The following RAPGEF6 variants were observed in gnomAD, a reference collection of about 807,000 sequenced individuals.
RAPGEF6 encodes Rap guanine nucleotide exchange factor 6.
A neutral mutation model predicts 171.4 loss-of-function variants in RAPGEF6; 56 were observed. The observed-to-expected ratio is 0.33, with a 90% confidence interval of 0.26 to 0.41. RAPGEF6 has a LOEUF of 0.41. Among genes scored for constraint, RAPGEF6 ranks in the 10% least tolerant of loss-of-function variants. The pLI, the probability that RAPGEF6 is intolerant of heterozygous loss-of-function variation, is 1.00. For synonymous variants in RAPGEF6, 692 were observed against 650.1 expected, an observed-to-expected ratio of 1.06 and a Z score of -0.98; for missense variants, 1,674 against 1,921.4, an observed-to-expected ratio of 0.87 and a Z score of 2.41.
At chr5:131,495,212 T>C (rs1756556025) in intron 13 of RAPGEF6, among the ~76,000 whole-genome samples, 1 of 151,876 alleles carries the variant, frequency 6.6e-6, no homozygotes, top group South Asian at 2.1e-4. Flanking sequence ...AGAGAATTGC[T>C]TGAACCTGGA....
intron 6 of RAPGEF6, among the ~76,000 whole-genome samples, chr5:131,534,171 G>C (rs1013957079): frequency 1.3e-5 from 2 of 152,090 alleles, no homozygotes; most frequent in African/African-American, 4.8e-5. Context: ...AATGGGGTGT[G>C]CAACATAAGA....
rs1007604511 is a variant in RAPGEF6 at position 131,425,300 on chromosome 5, T to C, written c.*1966A>G. ...GCACATTTTTCTGGGGAAATGAATA[T>C]AAAATGGTGAGAGTAGACATCTGAA... On this transcript the variant is annotated 3_prime_UTR_variant, in exon 28 of 28. Coordinates refer to ENST00000509018, the MANE Select transcript of RAPGEF6 (RefSeq NM_016340.6). 3 of 152,310 alleles carry C rather than the reference T, an allele frequency of 2.0e-5. No individual in the cohort carries two copies. The highest frequency in any genetic ancestry group is 7.2e-5 in the African/African-American group (3 of 41,438). The allele number at this position is 152,310 out of a possible 1,614,324, so 9.4% of individuals were successfully genotyped here.
At chr5:131,455,372 C>A (rs767201186) in intron 20 of RAPGEF6, among the ~76,000 whole-genome samples, 40 of 152,304 alleles carry the variant, frequency 2.6e-4, no homozygotes, top group Admixed American at 1.5e-3. Flanking sequence ...CATTCTCCTG[C>A]CTCAGCCTCC....
In RAPGEF6 at chr5:131,436,256, T is replaced by A. The variant is rs949324037; in HGVS notation, c.3746-2598A>T. 48 of 1,537,450 alleles carry A rather than the reference T, an allele frequency of 3.1e-5. No homozygotes were observed. In the Admixed American group the frequency reaches 8.8e-4, roughly 28 times the overall value. On this transcript the variant is annotated intron_variant, in intron 24 of 27. Transcript: ENST00000509018. ...CTATTCTCCTCAGTGGCCTTCTCAG[T>A]ACTGTCTGTTCTTTTGGCTGTGCTC...
At chr5:131,529,882 A>G (rs1005047600) in intron 6 of RAPGEF6, among the ~76,000 whole-genome samples, 1 of 145,818 alleles carries the variant, frequency 6.9e-6, no homozygotes, top group African/African-American at 2.5e-5. Context: ...TGGGCAACAG[A>G]GCAGGGCCTT....
chr5:131,618,346 T>C lies in RAPGEF6; in HGVS notation c.70-13653A>G, dbSNP rs116300305. ...TAAAAGAAATATAGAATCAGAAAATTATGGCCAGGCATGGTGGTCCACAAC... is the reference window on the plus strand; with the variant it reads ...TAAAAGAAATATAGAATCAGAAAATCATGGCCAGGCATGGTGGTCCACAAC... On this transcript the variant is annotated intron_variant, in intron 1 of 27. Coordinates refer to ENST00000509018, the MANE Select transcript of RAPGEF6 (RefSeq NM_016340.6). 4.0e-3 allele frequency among the ~76,000 whole-genome samples: 616 copies of C among 152,116 alleles called. 8 individuals are homozygous for C. Among genetic ancestry groups the C allele is most frequent in the African/African-American group, 0.014 (584 of 41,506 alleles).
chr5:131,594,416 T>A (rs1348239521), intron 3 of RAPGEF6, among the ~76,000 whole-genome samples: 1 of 152,326 alleles, frequency 6.6e-6, no homozygotes, highest in East Asian at 1.9e-4. Context: ...TGTATGGAAA[T>A]GCCTGGATGT....
At chr5:131,470,705 C>G (rs1754680715) in intron 17 of RAPGEF6, among the ~76,000 whole-genome samples, 1 of 152,110 alleles carries the variant, frequency 6.6e-6, no homozygotes, top group African/African-American at 2.4e-5. Flanking sequence ...AAATTCCCAT[C>G]CTGCCACATA....
chr5:131,600,169 C>T (rs938632298), intron 3 of RAPGEF6, among the ~76,000 whole-genome samples: 105 of 152,274 alleles, frequency 6.9e-4, no homozygotes, highest in African/African-American at 2.4e-3. Context: ...ATTAGATTTG[C>T]TAAACTATAA....
intron 7 of RAPGEF6, among the ~76,000 whole-genome samples, chr5:131,518,718 T>C (rs918343615): frequency 6.6e-6 from 1 of 152,128 alleles, no homozygotes; most frequent in Non-Finnish European, 1.5e-5. Context: ...AATTTTTATC[T>C]TCTTTGACTA....
intron 25 of RAPGEF6, among the ~76,000 whole-genome samples, chr5:131,432,484 G>C (rs1333388911): frequency 2.0e-5 from 3 of 152,116 alleles, no homozygotes; most frequent in African/African-American, 7.2e-5. Flanking sequence ...CGGGCGTGGT[G>C]GTGGGCGCCT....
intron 15 of RAPGEF6, 34 bp downstream of exon 15, chr5:131,489,512 A>G (rs775980288): frequency 6.3e-6 from 8 of 1,269,500 alleles, no homozygotes; most frequent in South Asian, 4.0e-5. Flanking sequence ...AATTAAGAAG[A>G]AAGAGTTCAG....
chr5:131,516,102 T>C (rs1758062656), intron 7 of RAPGEF6, among the ~76,000 whole-genome samples: 3 of 95,510 alleles, frequency 3.1e-5, no homozygotes, highest in East Asian at 6.4e-4. Context: ...TTTTTTTTTT[T>C]TTCTGTGACG....
In RAPGEF6 at chr5:131,439,735, T is replaced by G; in HGVS notation, c.3611-20A>C. On this transcript the variant is annotated intron_variant, in intron 23 of 27. Transcript: ENST00000509018. ...TTGTATCTAAAAATAAAACCAAAGA[T>G]GCAAATAAGCATCGTTTCACAATTA... 8 of 1,607,488 alleles carry G rather than the reference T, an allele frequency of 5.0e-6. No individual in the cohort carries two copies. Among genetic ancestry groups the G allele is most frequent in the Non-Finnish European group, 6.8e-6 (8 of 1,177,768 alleles).
chr5:131,468,256 C>T (rs1222323639), intron 17 of RAPGEF6, among the ~76,000 whole-genome samples: 5 of 146,268 alleles, frequency 3.4e-5, no homozygotes, highest in African/African-American at 1.3e-4. Flanking sequence ...GGCATGAACC[C>T]GGGAGGCGTA....
intron 17 of RAPGEF6, chr5:131,472,210 T>C: frequency 3.2e-6 from 1 of 315,484 alleles, no homozygotes; most frequent in South Asian, 2.7e-5. Context: ...TAGCTGGGAC[T>C]ACAGGCACCC....
At chr5:131,483,396 T>C (rs1359730981) in intron 15 of RAPGEF6, among the ~76,000 whole-genome samples, 1 of 151,198 alleles carries the variant, frequency 6.6e-6, no homozygotes, top group African/African-American at 2.4e-5. Context: ...CATGAGTATG[T>C]AATTATAAGC....
intron 6 of RAPGEF6, among the ~76,000 whole-genome samples, chr5:131,539,503 C>T (rs1383976870): frequency 6.6e-6 from 1 of 152,138 alleles, no homozygotes; most frequent in Admixed American, 6.6e-5. Context: ...TACCAAAGTC[C>T]TCTAGTTTCT....
intron 1 of RAPGEF6, among the ~76,000 whole-genome samples, chr5:131,608,512 T>C (rs995282805): frequency 6.6e-6 from 1 of 151,746 alleles, no homozygotes; most frequent in African/African-American, 2.4e-5. Context: ...ATGGGTAGAG[T>C]TGTGAGCAGT....
Sources: gnomAD v4.1 joint callset for allele counts (sites outside exome capture counted in the v4.1 genomes callset) on GRCh38, gnomAD v4.1.1 for gene constraint, MANE v1.5 for transcripts, NCBI Gene and HGNC (gene_info 2026-07-23, HGNC 2026-07-21) for gene names.